The following PLAAT1 variants were observed in gnomAD, a reference collection of about 807,000 sequenced individuals.
PLAAT1 encodes the protein H-REV107 protein-related protein.
PLAAT1 carries 13 observed loss-of-function variants against 16.4 expected under a neutral mutation model. The ratio of observed to expected loss-of-function variants is 0.79; its 90% CI spans 0.52 to 1.26. The LOEUF (loss-of-function observed/expected upper bound fraction) is 1.26. PLAAT1 is among the 50% of genes most tolerant of loss of function. The probability of loss-of-function intolerance (pLI) is 0.00; values close to 1 mark genes in which losing one functional copy is unlikely to be tolerated. For missense variants in PLAAT1, 218 were observed against 207.8 expected (o/e 1.05, Z -0.30); for synonymous variants, 73 against 78.4 (o/e 0.93, Z 0.36).
intron 1 of PLAAT1, among the ~76,000 whole-genome samples, 168 bp from the exon 2 acceptor site, chr3:193,255,483 A>C (rs539686743): frequency 1.3e-5 from 2 of 151,660 alleles, no homozygotes; most frequent in African/African-American, 2.4e-5. Flanking sequence ...TTGTGCACAC[A>C]TCAGTGTTGG....
At chr3:193,241,115 C>G, upstream of PLAAT1, 1 of 840,522 alleles carries the variant, frequency 1.2e-6, no homozygotes, top group Non-Finnish European at 1.4e-6. Context: ...AGGTGCAGTT[C>G]CCCGGCGGGC....
intron 1 of PLAAT1, among the ~76,000 whole-genome samples, chr3:193,253,159 A>G (rs1057250343): frequency 2.0e-5 from 3 of 152,180 alleles, no homozygotes; most frequent in Middle Eastern, 3.2e-3. Flanking sequence ...TATGATTCTA[A>G]GTGTTCAGTA....
chr3:193,252,193 G>A (rs953523196), intron 1 of PLAAT1, among the ~76,000 whole-genome samples: 12 of 151,890 alleles, frequency 7.9e-5, no homozygotes, highest in East Asian at 1.9e-4. Context: ...AACAAGGGGC[G>A]GTGGGAGGCA....
rs1715732710 is a variant in PLAAT1 at position 193,241,343 on chromosome 3, G to C, written c.-191G>C. 3.2e-6 allele frequency: 4 copies of C among 1,231,522 alleles called. No individual in the cohort carries two copies. The highest frequency in any genetic ancestry group is 4.0e-6 in the Non-Finnish European group (4 of 987,818). The allele number at this position is 1,231,522 out of a possible 1,614,324, so 76.3% of individuals were successfully genotyped here. On this transcript the variant is annotated 5_prime_UTR_variant, in exon 1 of 4. Coordinates refer to ENST00000264735, the MANE Select transcript of PLAAT1 (RefSeq NM_020386.5). The stretch of plus-strand genomic sequence containing the variant: ...GGGACCGTTTCAGCGTGGCGGCGCT[G>C]GTGCTGGCGTTGGCCCTGGAGGACG...
At chr3:193,261,420 A>C (rs1716580287) in intron 2 of PLAAT1, among the ~76,000 whole-genome samples, 1 of 152,056 alleles carries the variant, frequency 6.6e-6, no homozygotes, top group Admixed American at 6.6e-5. Flanking sequence ...TATTTTCCTC[A>C]GGTTATGTTT....
chr3:193,275,312 C>A, downstream of PLAAT1: 1 of 1,611,108 alleles, frequency 6.2e-7, no homozygotes, highest in South Asian at 1.1e-5. Context: ...CCTGAAAAAT[C>A]AGATGGGAAA....
At chr3:193,245,681 C>G (rs1054693015) in intron 1 of PLAAT1, among the ~76,000 whole-genome samples, 3 of 152,208 alleles carry the variant, frequency 2.0e-5, no homozygotes, top group Non-Finnish European at 4.4e-5. Context: ...TTCCTTTTCT[C>G]CACATCCTCA....
chr3:193,269,768 C>T lies in PLAAT1; in HGVS notation c.406-836C>T, dbSNP rs182435500. 5.9e-3 allele frequency among the ~76,000 whole-genome samples: 899 copies of T among 152,208 alleles called. 11 individuals are homozygous for T. Among genetic ancestry groups the T allele is most frequent in the African/African-American group, 0.021 (854 of 41,524 alleles). ...TTGGGTCATCAAATTGCACTCAAAC[C>T]CATTTGAATGGAAGGCAATATTAGT... On this transcript the variant is annotated intron_variant, in intron 3 of 3. Coordinates refer to ENST00000264735, the MANE Select transcript of PLAAT1 (RefSeq NM_020386.5).
downstream of PLAAT1, among the ~76,000 whole-genome samples, chr3:193,280,618 T>C (rs982026475): frequency 2.6e-5 from 4 of 152,164 alleles, no homozygotes; most frequent in Admixed American, 1.3e-4. Flanking sequence ...GGAGCTAAAC[T>C]TCCCGGATGC....
upstream of PLAAT1, among the ~76,000 whole-genome samples, chr3:193,240,654 CGTGTGTGT>C (rs370008875): frequency 9.4e-4 from 83 of 88,568 alleles, no homozygotes; most frequent in African/African-American, 3.4e-3. Flanking sequence ...GGCTATCTGG[CGTGTGTGT>C]GTGTGTGTGT....
At chr3:193,252,706 T>G (rs1232298224) in intron 1 of PLAAT1, among the ~76,000 whole-genome samples, 1 of 152,220 alleles carries the variant, frequency 6.6e-6, no homozygotes, top group African/African-American at 2.4e-5. Flanking sequence ...TTATCCATTT[T>G]GAAATAATTT....
intron 1 of PLAAT1, among the ~76,000 whole-genome samples, 173 bp from the exon 2 acceptor site, chr3:193,255,478 C>T (rs745516493): frequency 2.6e-5 from 4 of 152,168 alleles, no homozygotes; most frequent in Admixed American, 6.5e-5. Flanking sequence ...TCCCCTTGTG[C>T]ACACATCAGT....
chr3:193,263,374 C>G, intron 3 of PLAAT1, 139 bp downstream of exon 3: 1 of 794,008 alleles, frequency 1.3e-6, no homozygotes, highest in South Asian at 1.9e-5. Flanking sequence ...CTTGAGTTGT[C>G]CAAGGTCCTG....
At chr3:193,247,153 G>A (rs1179169309) in intron 1 of PLAAT1, among the ~76,000 whole-genome samples, 1 of 152,148 alleles carries the variant, frequency 6.6e-6, no homozygotes, top group Non-Finnish European at 1.5e-5. Flanking sequence ...GCTGTTCATA[G>A]TAGTCTTCTA....
rs1186346476 is a variant in PLAAT1, at chr3:193,241,579, C to A, written c.-1+46C>A. ...GAGGACCTCGAGGCGCCCCGGCAACCAACCGTGTTCTAACCAACTGGCAAG... is the reference window on the plus strand; with the variant it reads ...GAGGACCTCGAGGCGCCCCGGCAACAAACCGTGTTCTAACCAACTGGCAAG... On this transcript the variant is annotated intron_variant, in intron 1 of 3. Coordinates refer to ENST00000264735, the MANE Select transcript of PLAAT1 (RefSeq NM_020386.5). The A allele has an allele frequency of 2.5e-6, 3 of 1,212,180 alleles. No homozygotes were observed. The African/African-American group carries it at 4.7e-5, about 19-fold the overall frequency. The allele number at this position is 1,212,180 out of a possible 1,614,324, so 75.1% of individuals were successfully genotyped here.
intron 2 of PLAAT1, among the ~76,000 whole-genome samples, chr3:193,260,402 A>T (rs1033026753): frequency 6.6e-6 from 1 of 152,196 alleles, no homozygotes; most frequent in Non-Finnish European, 1.5e-5. Flanking sequence ...AGAAATTATC[A>T]ACAGAGTAAA....
downstream of PLAAT1, among the ~76,000 whole-genome samples, chr3:193,278,192 C>CT (rs2108813433): frequency 6.6e-6 from 1 of 152,316 alleles, no homozygotes; most frequent in East Asian, 1.9e-4. Context: ...CTTTGTAACT[C>CT]TAGTACCAAA....
At chr3:193,241,144 A>C (rs1715715203), upstream of PLAAT1, 14 of 1,094,628 alleles carry the variant, frequency 1.3e-5, no homozygotes, top group Non-Finnish European at 1.6e-5. Context: ...GGGCGGGCGA[A>C]GCTGGGCTCG....
At chr3:193,254,085 G>A (rs1716291086) in intron 1 of PLAAT1, among the ~76,000 whole-genome samples, 1 of 152,076 alleles carries the variant, frequency 6.6e-6, no homozygotes, top group Admixed American at 6.6e-5. Context: ...ATTACGAACT[G>A]CCATATTAAT....
Sources: allele counts gnomAD v4.1 joint callset (sites outside exome capture counted in the v4.1 genomes callset), GRCh38; gene constraint gnomAD v4.1.1; transcripts MANE v1.5; gene names NCBI Gene and HGNC (gene_info 2026-07-23, HGNC 2026-07-21).